ITGB2: variants seen among roughly 807,000 people sequenced by gnomAD.
ITGB2 encodes integrin beta-2.
Under a neutral mutation model 86.8 loss-of-function variants are expected in ITGB2, and 56 were observed. The ratio of observed to expected loss-of-function variants is 0.65; its 90% CI spans 0.52 to 0.81. The LOEUF is 0.81. ITGB2 is among the 30% of genes least tolerant of loss of function. The pLI, the probability that ITGB2 is intolerant of heterozygous loss-of-function variation, is 0.00. For missense variants in ITGB2, 948 were observed against 1,061.2 expected, an observed-to-expected ratio of 0.89 and a Z score of 1.48; for synonymous variants, 457 against 450.4, an observed-to-expected ratio of 1.01 and a Z score of -0.19.
chr21:44,895,092 C>T (rs2083844792), intron 8 of ITGB2, 32 bp from the exon 9 acceptor site: 1 of 1,509,704 alleles, frequency 6.6e-7, no homozygotes, highest in African/African-American at 1.4e-5. Context: ...CATGGCACGG[C>T]TAGGACCTGT....
At chr21:44,910,584 T>C (rs1473690335) in intron 2 of ITGB2, 141 bp downstream of exon 2, 3 of 1,371,844 alleles carry the variant, frequency 2.2e-6, no homozygotes, top group East Asian at 2.5e-5. Flanking sequence ...AGACGAGGCC[T>C]GAGTCCCCGA....
intron 1 of ITGB2, among the ~76,000 whole-genome samples, chr21:44,918,761 GT>G (rs2146562750): frequency 6.6e-6 from 1 of 152,328 alleles, no homozygotes; most frequent in South Asian, 2.1e-4. Context: ...AGGGGCAGGG[GT>G]TACCACCCTG....
upstream of ITGB2, among the ~76,000 whole-genome samples, chr21:44,924,508 C>T (rs145737317): frequency 1.5e-4 from 23 of 152,218 alleles, no homozygotes; most frequent in Non-Finnish European, 3.1e-4. Flanking sequence ...ATTTGAGGAA[C>T]GTAACCATTC....
intron 10 of ITGB2, 101 bp downstream of exon 10, chr21:44,893,303 C>T (rs1373834452): frequency 1.4e-6 from 2 of 1,475,358 alleles, no homozygotes; most frequent in Non-Finnish European, 1.9e-6. Flanking sequence ...CTGGCTGTCC[C>T]CAGGACCCCT....
Position 44,907,670 on chromosome 21 carries a change from G to A in ITGB2, c.148-575C>T, listed in dbSNP as rs111929696. Among the ~76,000 whole-genome samples, 525 of 152,346 alleles carry A rather than the reference G, an allele frequency of 3.4e-3. 4 individuals carry two copies. The highest frequency in any genetic ancestry group is 4.8e-3 in the African/African-American group (200 of 41,580). On this transcript the variant is annotated intron_variant, in intron 3 of 15. Transcript: ENST00000652462. ...ATGAGGGCTGTGTTTGGTGGGTCCC[G>A]TCACTGGCCCCGAGCCTGCTGCCTC...
intron 3 of ITGB2, among the ~76,000 whole-genome samples, chr21:44,909,950 CGT>C (rs1189634623): frequency 6.6e-6 from 1 of 152,322 alleles, no homozygotes; most frequent in Middle Eastern, 3.4e-3. Flanking sequence ...CAGAAGCGCG[CGT>C]GTTTCTGCAC....
intron 1 of ITGB2, among the ~76,000 whole-genome samples, chr21:44,916,567 A>C (rs753313414): frequency 6.6e-6 from 1 of 152,166 alleles, no homozygotes; most frequent in Non-Finnish European, 1.5e-5. Context: ...AGGAAACCTC[A>C]GCATAAAAGC....
intron 1 of ITGB2, among the ~76,000 whole-genome samples, chr21:44,918,360 CAAATGTCCCACAGCCCTGGT>C (rs2084242248): frequency 1.3e-5 from 2 of 152,376 alleles, no homozygotes; most frequent in South Asian, 4.1e-4. Flanking sequence ...TCCACAGAGG[CAAATGTCCCACAGCCCTGGT>C]ACCTGGTGGG....
upstream of ITGB2, chr21:44,920,927 T>C (rs1157762625): frequency 6.6e-6 from 1 of 152,388 alleles, no homozygotes; most frequent in Non-Finnish European, 1.5e-5. Context: ...GCGCGGGTCG[T>C]AAAGTCCTGA....
intron 1 of ITGB2, among the ~76,000 whole-genome samples, chr21:44,920,033 C>A (rs991393676): frequency 2.6e-5 from 4 of 152,166 alleles, no homozygotes; most frequent in African/African-American, 9.7e-5. Flanking sequence ...GCTGAACCAA[C>A]TCGACCAGAA....
chr21:44,903,272 G>A, intron 5 of ITGB2, 93 bp downstream of exon 5: 2 of 1,504,970 alleles, frequency 1.3e-6, no homozygotes, highest in South Asian at 2.3e-5. Flanking sequence ...TCTACCCTGG[G>A]GACCTGAGTG....
intron 1 of ITGB2, among the ~76,000 whole-genome samples, chr21:44,926,465 G>A (rs972506327): frequency 6.6e-6 from 1 of 152,168 alleles, no homozygotes; most frequent in African/African-American, 2.4e-5. Flanking sequence ...TGAGGAAATG[G>A]CGACCGCAGA....
chr21:44,924,783 C>T (rs1249475252), upstream of ITGB2, among the ~76,000 whole-genome samples: 1 of 152,110 alleles, frequency 6.6e-6, no homozygotes, highest in Non-Finnish European at 1.5e-5. Flanking sequence ...TGAATAAGAG[C>T]CCTTGAAGTG....
chr21:44,917,891 GC>G (rs1035793029), intron 1 of ITGB2, among the ~76,000 whole-genome samples: 1 of 152,236 alleles, frequency 6.6e-6, no homozygotes, highest in African/African-American at 2.4e-5. Context: ...AGAACACGCA[GC>G]CCGGGGTGGG....
Position 44,888,654 on chromosome 21 carries a change from G to T in ITGB2, c.2080+39C>A, listed in dbSNP as rs751290845. 4.4e-6 allele frequency: 7 copies of T among 1,595,522 alleles called. No individual in the cohort carries two copies. In the South Asian group the frequency reaches 5.5e-5, roughly 13 times the overall value. On this transcript the variant is annotated intron_variant, in intron 14 of 15. Transcript: ENST00000652462. ...CCTCTGCGGAGACCCCGCAGCCGGA[G>T]CTCTGGAGCCGGTCCCCGCTGCACC...
chr21:44,905,037 C>T (rs2084022494), intron 4 of ITGB2, among the ~76,000 whole-genome samples: 1 of 152,224 alleles, frequency 6.6e-6, no homozygotes, highest in Non-Finnish European at 1.5e-5. Context: ...GCGGCGTCTG[C>T]AGCGACATGG....
chr21:44,925,027 T>G (rs962189782), upstream of ITGB2, among the ~76,000 whole-genome samples: 2 of 152,106 alleles, frequency 1.3e-5, no homozygotes, highest in African/African-American at 2.4e-5. Flanking sequence ...GAAGAAAAAG[T>G]TCTGGGCAAG....
intron 12 of ITGB2, 59 bp downstream of exon 12, chr21:44,889,919 C>T: frequency 6.2e-7 from 1 of 1,606,708 alleles, no homozygotes; most frequent in Non-Finnish European, 8.5e-7. Context: ...GAACGCACCC[C>T]CCAACACCAA....
At chr21:44,896,614 C>A (rs1357993053) in intron 8 of ITGB2, among the ~76,000 whole-genome samples, 1 of 152,216 alleles carries the variant, frequency 6.6e-6, no homozygotes, top group Non-Finnish European at 1.5e-5. Flanking sequence ...CCTCCGCCCA[C>A]CGCCCACTTC....
Sources: gnomAD v4.1 joint callset for allele counts (sites outside exome capture counted in the v4.1 genomes callset) on GRCh38, gnomAD v4.1.1 for gene constraint, MANE v1.5 for transcripts, NCBI Gene and HGNC (gene_info 2026-07-23, HGNC 2026-07-21) for gene names.